The following XDH variants were observed in gnomAD, a reference collection of about 807,000 sequenced individuals.
XDH encodes the protein xanthine dehydrogenase/oxidase.
A neutral mutation model predicts 156.1 loss-of-function variants in XDH; 138 were observed. That is an observed-to-expected ratio of 0.88 (90% CI 0.77 to 1.02). The LOEUF is 1.02. XDH is among the 50% of genes least tolerant of loss of function. The probability of loss-of-function intolerance (pLI) is 0.00; values close to 1 mark genes in which losing one functional copy is unlikely to be tolerated. For missense variants in XDH, 1,849 were observed against 1,684.9 expected (o/e 1.10, Z -1.71); for synonymous variants, 669 against 625.7 (o/e 1.07, Z -1.03).
intron 4 of XDH, among the ~76,000 whole-genome samples, chr2:31,400,168 C>T (rs955763578): frequency 6.6e-5 from 10 of 151,920 alleles, no homozygotes; most frequent in African/African-American, 1.9e-4. Context: ...CCAGCTCCAT[C>T]GCCTGAATGA....
chr2:31,396,542 C>G (rs1027059768), intron 6 of XDH, among the ~76,000 whole-genome samples: 1 of 152,124 alleles, frequency 6.6e-6, no homozygotes, highest in Non-Finnish European at 1.5e-5. Context: ...TTTTTATAAA[C>G]ACAGTAAGGT....
intron 33 of XDH, 52 bp downstream of exon 33, chr2:31,341,277 G>A (rs1685116278): frequency 6.6e-7 from 1 of 1,515,624 alleles, no homozygotes; most frequent in Non-Finnish European, 9.0e-7. Context: ...GGAGGGGAAT[G>A]GGGTGCATCG....
In XDH at chr2:31,346,817, C is replaced by A; in HGVS notation, c.3303G>T (p.Arg1101Ser). ...VYAACQTILK[R>S]LEPYKKKNPS... ...GATTCTTCTTCTTGTAGGGTTCCAG[C>A]CTTTTCAAGATGGTCTGACAAGCCG... is the stretch of plus-strand genomic sequence containing the variant. The change falls in exon 30 of 36, where the codon AGG (arginine) becomes AGT (serine). Residue 1101 changes from arginine to serine, a missense_variant. Physicochemically the swap from Arg to Ser is moderately radical, Grantham distance 110 (BLOSUM62 -1). Transcript: ENST00000379416. The A allele has an allele frequency of 1.2e-6, 2 of 1,614,144 alleles. No individual in the cohort carries two copies. The highest frequency in any genetic ancestry group is 1.7e-6 in the Non-Finnish European group (2 of 1,180,042).
Position 31,335,891 on chromosome 2 carries a change from G to A in XDH, c.*67C>T. ...TGACTTTAATAGATCCATGTTCTGT[G>A]GTATGTTCCTCCTGCTCCATGGAAG... On this transcript the variant is annotated 3_prime_UTR_variant, in exon 36 of 36. Coordinates refer to ENST00000379416, the MANE Select transcript of XDH (RefSeq NM_000379.4). The A allele has an allele frequency of 6.5e-7, 1 of 1,534,020 alleles. No homozygotes were observed. The highest frequency in any genetic ancestry group is 2.2e-5 in the East Asian group (1 of 44,494).
Position 31,403,526 on chromosome 2 carries a change from G to A in XDH, c.101-382C>T, listed in dbSNP as rs543051823. Among the ~76,000 whole-genome samples, 9 of 152,284 alleles carry A rather than the reference G, an allele frequency of 5.9e-5. No individual in the cohort carries two copies. In the South Asian group the frequency reaches 1.9e-3, roughly 32 times the overall value. On this transcript the variant is annotated intron_variant, in intron 2 of 35. Transcript: ENST00000379416. ...CGGGGCAGTTCTCACATCACTCCCAGCTGGGCACACCATGAAGCCACTTGG... is the reference window on the plus strand; with the variant it reads ...CGGGGCAGTTCTCACATCACTCCCAACTGGGCACACCATGAAGCCACTTGG...
rs1422360314 is a variant in XDH, at chr2:31,403,083, C to T, written c.162G>A (p.Met54Ile). ...TCTGCAGACGATCATACTTGGAGAG[C>T]ATCACTGTGCAAGCCCCGCAGCCCC... Reference protein sequence around the residue: ...GEGGCGACTVMLSKYDRLQNK... With the variant: ...GEGGCGACTVILSKYDRLQNK... The change falls in exon 3 of 36, where the codon ATG becomes ATA. Residue 54 changes from methionine (M) to isoleucine (I), a missense_variant. Transcript: ENST00000379416. 1.2e-6 allele frequency: 2 copies of T among 1,614,034 alleles called. No homozygotes were observed. Among genetic ancestry groups the T allele is most frequent in the African/African-American group, 2.7e-5 (2 of 74,920 alleles).
rs142388231 is a variant in XDH, at chr2:31,383,002, G to T, written c.1037C>A (p.Ala346Glu). The change falls in exon 11 of 36, where the codon GCG becomes GAG. Residue 346 changes from alanine to glutamate, a missense_variant and splice_region_variant. Ala to Glu is a moderately radical substitution (Grantham distance 107). Transcript: ENST00000379416. ...WFAGKQVKSV[A>E]SVGGNIITAS... ...CGCTTGCTTCTGAGAGCGACTCACC[G>T]CCACAGACTTGACTTGCTTCCCAGC... The T allele has an allele frequency of 1.2e-6, 2 of 1,614,010 alleles. No individual in the cohort carries two copies. Among genetic ancestry groups the T allele is most frequent in the African/African-American group, 1.3e-5 (1 of 74,898 alleles).
chr2:31,356,757 C>A (rs781671215), intron 24 of XDH, among the ~76,000 whole-genome samples: 1 of 152,172 alleles, frequency 6.6e-6, no homozygotes, highest in Admixed American at 6.5e-5. Flanking sequence ...TAATACACAG[C>A]CATCAACAGC....
Position 31,339,378 on chromosome 2 carries a change from A to T in XDH, c.3774+111T>A, listed in dbSNP as rs905875056. On this transcript the variant is annotated intron_variant, in intron 34 of 35. Coordinates refer to ENST00000379416, the MANE Select transcript of XDH (RefSeq NM_000379.4). ...AGTGTCAAACCATCTTCCCTCCTCA[A>T]GATATGCCCTTTGAAGTCCCACCAG... The T allele has an allele frequency of 3.6e-4, 519 of 1,433,982 alleles. 1 individual carries two copies. The highest frequency in any genetic ancestry group is 9.7e-4 in the Middle Eastern group (4 of 4,126). The allele number at this position is 1,433,982 out of a possible 1,614,324, so 88.8% of individuals were successfully genotyped here. A position where few individuals can be genotyped will look rare whatever the true frequency, so the allele number is the denominator to read the frequency against.
At chr2:31,381,581 G>T in intron 12 of XDH, 52 bp downstream of exon 12, 1 of 1,581,414 alleles carries the variant, frequency 6.3e-7, no homozygotes, top group South Asian at 1.1e-5. Flanking sequence ...TATCTGGTGA[G>T]ACTTTTCTCC....
chr2:31,390,925 C>T (rs1475340235), intron 6 of XDH, among the ~76,000 whole-genome samples: 1 of 152,124 alleles, frequency 6.6e-6, no homozygotes. Context: ...GTGTCTTTTG[C>T]AAATATTTTT....
At chr2:31,358,152 C>T (rs1462166648) in intron 24 of XDH, among the ~76,000 whole-genome samples, 1 of 152,076 alleles carries the variant, frequency 6.6e-6, no homozygotes, top group Non-Finnish European at 1.5e-5. Flanking sequence ...TTCTCAGCAC[C>T]ACATCACACT....
chr2:31,338,714 C>CTTTTTTTT (rs57389753), intron 34 of XDH, among the ~76,000 whole-genome samples: 2 of 62,150 alleles, frequency 3.2e-5, no homozygotes, highest in Non-Finnish European at 5.3e-5. Flanking sequence ...CTGACCAAGT[C>CTTTTTTTT]TTTTTTTTTT....
chr2:31,342,175 C>A lies in XDH; in HGVS notation c.3519+8G>T, dbSNP rs1210636070. The A allele has an allele frequency of 1.2e-6, 2 of 1,613,248 alleles. No homozygotes were observed. Among genetic ancestry groups the A allele is most frequent in the Admixed American group, 1.7e-5 (1 of 59,998 alleles). ...CCACTAAGTACTAAAGTTTTGCAAA[C>A]TTCTTACCTTATGATCTCCTGTTAG... On this transcript the variant is annotated splice_region_variant and intron_variant, in intron 32 of 35. Coordinates refer to ENST00000379416, the MANE Select transcript of XDH (RefSeq NM_000379.4).
At position 31,372,370 on chromosome 2, in the gene XDH, C is replaced by G. The variant is rs770943186; in HGVS notation, c.1714G>C (p.Asp572His). Residue 572 changes from aspartate (D) to histidine (H), a missense_variant, in exon 17 of 36, where the codon GAC (aspartate) becomes CAC (histidine). Asp to His is a moderately conservative substitution (Grantham distance 81, BLOSUM62 -1). Coordinates refer to ENST00000379416, the MANE Select transcript of XDH (RefSeq NM_000379.4). ...TGGGGCAGGGGCCGGCCCACCATGT[C>G]CTCCTCAGACTGACCCTTGGGCACC... ...QEVPKGQSEE[D>H]MVGRPLPHLA... 1 of 1,613,990 alleles carries G rather than the reference C, an allele frequency of 6.2e-7. No individual in the cohort carries two copies. Among genetic ancestry groups the G allele is most frequent in the African/African-American group, 1.3e-5 (1 of 74,952 alleles).
chr2:31,410,840 A>G (rs975253496), intron 1 of XDH, among the ~76,000 whole-genome samples: 6 of 152,192 alleles, frequency 3.9e-5, no homozygotes, highest in Admixed American at 3.9e-4. Context: ...ATGGCAACCA[A>G]CTGCAAGGCG....
At chr2:31,336,069 C>G in intron 35 of XDH, 61 bp from the exon 36 acceptor site, 2 of 1,555,408 alleles carry the variant, frequency 1.3e-6, no homozygotes, top group Non-Finnish European at 1.8e-6. Flanking sequence ...CTCCCACTCT[C>G]TTGCATACCT....
At chr2:31,406,270 C>G (rs1292728690) in intron 1 of XDH, among the ~76,000 whole-genome samples, 1 of 152,184 alleles carries the variant, frequency 6.6e-6, no homozygotes, top group Admixed American at 6.5e-5. Flanking sequence ...TTCTCTCTCT[C>G]TCTTGCTCTT....
chr2:31,394,691 G>T (rs184906714), intron 6 of XDH, among the ~76,000 whole-genome samples: 3 of 152,032 alleles, frequency 2.0e-5, no homozygotes, highest in Admixed American at 1.3e-4. Context: ...ATCTTTTGTA[G>T]TTATCACACA....
Sources: allele counts gnomAD v4.1 joint callset (sites outside exome capture counted in the v4.1 genomes callset), GRCh38; gene constraint gnomAD v4.1.1; transcripts MANE v1.5; gene names NCBI Gene and HGNC (gene_info 2026-07-23, HGNC 2026-07-21).